COPG2: variants seen among roughly 807,000 people sequenced by gnomAD.
The protein encoded by COPG2 is coatomer subunit gamma-2.
COPG2 carries 37 observed loss-of-function variants against 46.3 expected under a neutral mutation model. The observed-to-expected ratio is 0.80, with a 90% CI of 0.61 to 1.05. COPG2 has a LOEUF of 1.05. Ranked by LOEUF, COPG2 falls within the 50% of genes least tolerant of loss-of-function variation. The probability of loss-of-function intolerance (pLI) is 0.00; values close to 1 mark genes in which losing one functional copy is unlikely to be tolerated. For missense variants in COPG2, 427 were observed against 387.8 expected (o/e 1.10, Z -0.85); for synonymous variants, 159 against 129.7 (o/e 1.23, Z -1.53).
chr7:130,526,165 G>C (rs1799772431), intron 20 of COPG2, among the ~76,000 whole-genome samples: 2 of 152,174 alleles, frequency 1.3e-5, no homozygotes, highest in Non-Finnish European at 2.9e-5. Context: ...TGGAGTGTAA[G>C]AGGGGAAGGA....
At chr7:130,603,128 C>G (rs1158480096) in intron 9 of COPG2, among the ~76,000 whole-genome samples, 2 of 152,180 alleles carry the variant, frequency 1.3e-5, no homozygotes, top group African/African-American at 4.8e-5. Context: ...TGGTGTTACA[C>G]ATGACAGTAT....
chr7:130,564,807 T>A (rs1488558556), intron 9 of COPG2, among the ~76,000 whole-genome samples: 1 of 152,072 alleles, frequency 6.6e-6, no homozygotes, highest in Non-Finnish European at 1.5e-5. Context: ...CAAAATCTCA[T>A]CCCCAGAGAA....
In COPG2 at chr7:130,666,953, T is replaced by C. The variant is rs573226162; in HGVS notation, c.91-24A>G. On this transcript the variant is annotated intron_variant, in intron 2 of 23. Coordinates refer to ENST00000425248, the MANE Select transcript of COPG2 (RefSeq NM_012133.6). ...GCCTATGAAAAAACATAAAAAACAT[T>C]GCTACTTTTCTACCTTTTCTATCAC... The C allele has an allele frequency of 3.0e-5, 39 of 1,307,562 alleles. No homozygotes were observed. In the Admixed American group the frequency reaches 6.5e-4, roughly 22 times the overall value. The allele number at this position is 1,307,562 out of a possible 1,614,324, so 81.0% of individuals were successfully genotyped here.
chr7:130,538,248 C>A (rs1175399267), intron 20 of COPG2, among the ~76,000 whole-genome samples: 9 of 151,938 alleles, frequency 5.9e-5, no homozygotes, highest in Non-Finnish European at 1.5e-5. Flanking sequence ...TAAATGTGAA[C>A]CTTGTGTGGA....
intron 20 of COPG2, among the ~76,000 whole-genome samples, chr7:130,531,777 G>A (rs1799827813): frequency 6.6e-6 from 1 of 150,530 alleles, no homozygotes; most frequent in Non-Finnish European, 1.5e-5. Flanking sequence ...TGAAGTGCAG[G>A]GAACCAAGGT....
intron 5 of COPG2, among the ~76,000 whole-genome samples, chr7:130,640,463 A>G (rs1795443305): frequency 6.6e-6 from 1 of 151,564 alleles, no homozygotes; most frequent in Admixed American, 6.6e-5. Flanking sequence ...ATTATTTGTA[A>G]TCACTGGGAA....
chr7:130,510,476 A>G (rs1344441854), intron 20 of COPG2, among the ~76,000 whole-genome samples: 2 of 152,194 alleles, frequency 1.3e-5, no homozygotes, highest in Non-Finnish European at 2.9e-5. Context: ...GTTAGAATGA[A>G]GAGTCAGGAG....
intron 20 of COPG2, among the ~76,000 whole-genome samples, chr7:130,536,893 G>A (rs1799885623): frequency 6.6e-6 from 1 of 152,118 alleles, no homozygotes; most frequent in Admixed American, 6.5e-5. Flanking sequence ...GCAGAGAGCA[G>A]GGGATCTGTT....
chr7:130,580,095 G>A (rs1794103128), intron 9 of COPG2, among the ~76,000 whole-genome samples: 1 of 151,704 alleles, frequency 6.6e-6, no homozygotes, highest in Non-Finnish European at 1.5e-5. Flanking sequence ...ATACTTGGAA[G>A]TAAAGCACTC....
intron 20 of COPG2, among the ~76,000 whole-genome samples, chr7:130,523,492 G>A (rs974196792): frequency 1.3e-5 from 2 of 152,222 alleles, no homozygotes; most frequent in Non-Finnish European, 2.9e-5. Flanking sequence ...GATACGTGGA[G>A]TGCGAGGGGA....
chr7:130,613,777 T>C (rs1164459963), intron 6 of COPG2, 141 bp from the exon 7 acceptor site: 2 of 624,844 alleles, frequency 3.2e-6, no homozygotes, highest in Non-Finnish European at 5.6e-6. Flanking sequence ...AGGATGATAA[T>C]ATAGTAATAA....
chr7:130,651,322 GT>G (rs139808899), intron 5 of COPG2, among the ~76,000 whole-genome samples: 3 of 147,932 alleles, frequency 2.0e-5, no homozygotes, highest in Non-Finnish European at 4.5e-5. Context: ...TACATAAAAT[GT>G]TTTTTTTTTC....
At chr7:130,651,322 G>GC (rs1554459023) in intron 5 of COPG2, among the ~76,000 whole-genome samples, 1 of 147,936 alleles carries the variant, frequency 6.8e-6, no homozygotes, top group East Asian at 2.0e-4. Flanking sequence ...TACATAAAAT[G>GC]TTTTTTTTTT....
intron 5 of COPG2, among the ~76,000 whole-genome samples, chr7:130,637,728 A>G (rs1315765179): frequency 1.3e-5 from 2 of 152,098 alleles, no homozygotes; most frequent in African/African-American, 4.8e-5. Flanking sequence ...ACTTCTGCCA[A>G]TTTGTCAAAC....
rs1439912888 is a variant in COPG2, at chr7:130,532,384, G to A, written c.2149+15290C>T. 7.2e-5 allele frequency among the ~76,000 whole-genome samples: 11 copies of A among 152,094 alleles called. 1 individual carries two copies. The highest frequency in any genetic ancestry group is 2.1e-4 in the South Asian group (1 of 4,826). On this transcript the variant is annotated intron_variant, in intron 20 of 23. Coordinates refer to ENST00000425248, the MANE Select transcript of COPG2 (RefSeq NM_012133.6). ...CAGGGGATCTGTTGTCATGGGGAGG[G>A]AAGGCGCAAAGGGGAATGGAGACAG...
intron 20 of COPG2, among the ~76,000 whole-genome samples, chr7:130,520,913 GC>G (rs1353093289): frequency 5.3e-5 from 8 of 152,126 alleles, no homozygotes; most frequent in Non-Finnish European, 8.8e-5. Context: ...AAACATGTCT[GC>G]TAATGAACTG....
At chr7:130,550,445 A>C in intron 17 of COPG2, 79 bp downstream of exon 17, 1 of 325,788 alleles carries the variant, frequency 3.1e-6, no homozygotes, top group Non-Finnish European at 5.5e-6. Context: ...GTGACAATTA[A>C]ATGAGTATTA....
At chr7:130,608,062 A>G (rs961618245) in intron 9 of COPG2, 1 of 339,458 alleles carries the variant, frequency 2.9e-6, no homozygotes, top group Non-Finnish European at 5.7e-6. Context: ...GCTCAACTGA[A>G]TATTTTTAAA....
intron 8 of COPG2, 64 bp downstream of exon 8, chr7:130,612,088 C>T: frequency 9.0e-7 from 1 of 1,117,168 alleles, no homozygotes; most frequent in Non-Finnish European, 1.3e-6. Flanking sequence ...GATACACTGC[C>T]CCTACAATAC....
Sources: gnomAD v4.1 joint callset for allele counts (sites outside exome capture counted in the v4.1 genomes callset) on GRCh38, gnomAD v4.1.1 for gene constraint, MANE v1.5 for transcripts, NCBI Gene and HGNC (gene_info 2026-07-23, HGNC 2026-07-21) for gene names.